DIAPH3: variants seen among roughly 807,000 people sequenced by gnomAD.
The protein encoded by DIAPH3 is diaphanous related formin 3.
Under a neutral mutation model 144.3 loss-of-function variants are expected in DIAPH3, and 117 were observed. The observed-to-expected ratio is 0.81, with a 90% confidence interval of 0.70 to 0.95. The LOEUF is 0.95. Among genes scored for constraint, DIAPH3 ranks in the 40% least tolerant of loss-of-function variants. The pLI is 0.00. For missense variants in DIAPH3, 1,421 were observed against 1,412.7 expected (o/e 1.01, Z -0.09); for synonymous variants, 519 against 488.9 (o/e 1.06, Z -0.81).
intron 24 of DIAPH3, among the ~76,000 whole-genome samples, chr13:59,821,854 T>C (rs1477347996): frequency 6.6e-6 from 1 of 152,226 alleles, no homozygotes; most frequent in African/African-American, 2.4e-5. Flanking sequence ...TTGCTATTAG[T>C]TGAACTTTTT....
At chr13:59,844,470 C>CTCCA (rs1271702004) in intron 22 of DIAPH3, among the ~76,000 whole-genome samples, 2 of 148,548 alleles carry the variant, frequency 1.3e-5, no homozygotes, top group African/African-American at 5.0e-5. Context: ...CGCCACTGCA[C>CTCCA]TCCAGCCTGG....
chr13:60,038,528 G>C (rs2055392915), intron 5 of DIAPH3, among the ~76,000 whole-genome samples: 1 of 152,020 alleles, frequency 6.6e-6, no homozygotes, highest in African/African-American at 2.4e-5. Context: ...TTATTAAATG[G>C]AATAATGACA....
chr13:59,900,932 A>G (rs1311873627), intron 20 of DIAPH3, among the ~76,000 whole-genome samples: 1 of 152,164 alleles, frequency 6.6e-6, no homozygotes, highest in East Asian at 1.9e-4. Flanking sequence ...GTTATTCATG[A>G]TTCCTCCTAT....
chr13:59,682,716 A>G (rs1566176732), intron 27 of DIAPH3, among the ~76,000 whole-genome samples: 1 of 152,186 alleles, frequency 6.6e-6, no homozygotes, highest in African/African-American at 2.4e-5. Flanking sequence ...CCTAGTCTGA[A>G]TCATTGTCTA....
At chr13:59,725,136 G>A (rs1162616509) in intron 27 of DIAPH3, among the ~76,000 whole-genome samples, 1 of 152,206 alleles carries the variant, frequency 6.6e-6, no homozygotes, top group Non-Finnish European at 1.5e-5. Context: ...CAAGTCTGGT[G>A]AGAGAACATG....
intron 17 of DIAPH3, among the ~76,000 whole-genome samples, chr13:59,951,919 T>C (rs1045778775): frequency 3.3e-5 from 5 of 152,076 alleles, no homozygotes; most frequent in Non-Finnish European, 5.9e-5. Flanking sequence ...AAAGTATTTA[T>C]CCAAAAGAAT....
intron 27 of DIAPH3, among the ~76,000 whole-genome samples, chr13:59,669,535 G>C (rs2032233188): frequency 6.6e-6 from 1 of 152,102 alleles, no homozygotes; most frequent in South Asian, 2.1e-4. Flanking sequence ...AACCTTCCGA[G>C]CTCCCCTCTG....
rs570127979 is a variant in DIAPH3, at chr13:59,760,414, T to C, written c.3319+13775A>G. On this transcript the variant is annotated intron_variant, in intron 27 of 27. Coordinates refer to ENST00000400324, the MANE Select transcript of DIAPH3 (RefSeq NM_001042517.2). ...AATAAGATGTGAGTAATAAAAGAAC[T>C]GATAATAAAAGTTTCTTAGTTGTCT... Among the ~76,000 whole-genome samples the C allele has an allele frequency of 2.6e-5, 4 of 152,348 alleles. No individual in the cohort carries two copies. The South Asian group carries it at 8.3e-4, about 32-fold the overall frequency.
intron 22 of DIAPH3, among the ~76,000 whole-genome samples, chr13:59,840,141 C>T (rs1593623681): frequency 6.6e-6 from 1 of 151,998 alleles, no homozygotes; most frequent in African/African-American, 2.4e-5. Context: ...TTTTCATAGT[C>T]AATTTTATAT....
chr13:60,111,751 C>A (rs2058574662), intron 3 of DIAPH3, among the ~76,000 whole-genome samples: 1 of 152,150 alleles, frequency 6.6e-6, no homozygotes, highest in African/African-American at 2.4e-5. Context: ...AATATCTACT[C>A]AAGACAAAAA....
At chr13:59,813,579 G>C (rs2139579247) in intron 24 of DIAPH3, among the ~76,000 whole-genome samples, 1 of 152,212 alleles carries the variant, frequency 6.6e-6, no homozygotes, top group South Asian at 2.1e-4. Flanking sequence ...TAAGAGGCTG[G>C]GCACGGTGGC....
At chr13:59,752,347 A>T (rs1049998441) in intron 27 of DIAPH3, among the ~76,000 whole-genome samples, 2 of 152,034 alleles carry the variant, frequency 1.3e-5, no homozygotes, top group African/African-American at 2.4e-5. Context: ...ATTGTACCAC[A>T]ATAAGCAATA....
At chr13:60,073,565 T>C (rs1257670571) in intron 4 of DIAPH3, among the ~76,000 whole-genome samples, 4 of 152,246 alleles carry the variant, frequency 2.6e-5, no homozygotes, top group African/African-American at 9.6e-5. Flanking sequence ...TATATTTTAA[T>C]GTAGTAACAT....
In DIAPH3 at chr13:60,052,959, T is replaced by TAAAAAAAAAAAAAAAAA. The variant is rs559991017; in HGVS notation, c.496-10156_496-10140dup. Among the ~76,000 whole-genome samples, 102 of 40,608 alleles carry TAAAAAAAAAAAAAAAAA rather than the reference T, an allele frequency of 2.5e-3. 3 individuals carry two copies. Among genetic ancestry groups the TAAAAAAAAAAAAAAAAA allele is most frequent in the African/African-American group, 5.1e-3 (35 of 6,868 alleles). 26.6% of individuals were successfully genotyped at this position (40,608 alleles called of 152,430 possible). On this transcript the variant is annotated intron_variant, in intron 4 of 27. Transcript: ENST00000400324. ...CTGGTGACAGAGCCAGACTCCCTCT[T>TAAAAAAAAAAAAAAAAA]AAAAAAAAAAAAAAAAAAAAAGAAA... is the stretch of plus-strand genomic sequence containing the variant.
intron 27 of DIAPH3, among the ~76,000 whole-genome samples, chr13:59,711,229 A>G (rs530263036): frequency 3.9e-5 from 6 of 152,208 alleles, no homozygotes; most frequent in Non-Finnish European, 8.8e-5. Flanking sequence ...TTTCCTAACA[A>G]TGGAGCCCAA....
intron 27 of DIAPH3, among the ~76,000 whole-genome samples, chr13:59,707,440 T>C (rs1331696990): frequency 2.0e-5 from 3 of 152,142 alleles, no homozygotes; most frequent in Non-Finnish European, 4.4e-5. Context: ...AGTTACAACG[T>C]ATCAAGAAGA....
chr13:60,072,456 C>A lies in DIAPH3; in HGVS notation c.495+21172G>T, dbSNP rs568032524. On this transcript the variant is annotated intron_variant, in intron 4 of 27. Transcript: ENST00000400324. The stretch of plus-strand genomic sequence containing the variant: ...CACAAGAAAACCAATCTATAGCAGG[C>A]CATAACTAATTTTATTAATTTCAGG... 2.6e-5 allele frequency among the ~76,000 whole-genome samples: 4 copies of A among 152,206 alleles called. No individual in the cohort carries two copies. In the South Asian group the frequency reaches 8.3e-4, roughly 32 times the overall value.
chr13:59,928,045 C>T (rs189090821), intron 17 of DIAPH3, among the ~76,000 whole-genome samples: 1 of 152,200 alleles, frequency 6.6e-6, no homozygotes, highest in East Asian at 1.9e-4. Flanking sequence ...TAATTTTATC[C>T]CACATGTCAC....
At chr13:59,854,664 C>T (rs2043163413) in intron 22 of DIAPH3, among the ~76,000 whole-genome samples, 1 of 152,092 alleles carries the variant, frequency 6.6e-6, no homozygotes, top group Admixed American at 6.6e-5. Context: ...GTAAATATTG[C>T]TTTACAGCCA....
Sources: gnomAD v4.1 joint callset for allele counts (sites outside exome capture counted in the v4.1 genomes callset) on GRCh38, gnomAD v4.1.1 for gene constraint, MANE v1.5 for transcripts, NCBI Gene and HGNC (gene_info 2026-07-23, HGNC 2026-07-21) for gene names.